The following C1orf74 variants were observed in gnomAD, a reference collection of about 807,000 sequenced individuals.
The protein encoded by C1orf74 is UPF0739 protein C1orf74.
A neutral mutation model predicts 7.3 loss-of-function variants in C1orf74; 5 were observed. That is an observed-to-expected ratio of 0.68 (90% CI 0.36 to 1.44). The LOEUF (loss-of-function observed/expected upper bound fraction) is 1.44, where lower values mean the gene tolerates loss of function less well. Among genes scored for constraint, C1orf74 ranks in the 40% most tolerant of loss-of-function variants. The probability of loss-of-function intolerance (pLI) is 0.04; values close to 1 mark genes in which losing one functional copy is unlikely to be tolerated. For missense variants in C1orf74, 291 were observed against 314.3 expected (o/e 0.93, Z 0.56); for synonymous variants, 121 against 132.5 (o/e 0.91, Z 0.59).
In C1orf74 at chr1:209,780,559, G is replaced by A. The variant is rs764468530; in HGVS notation, c.*2266C>T. The A allele has an allele frequency of 6.2e-7, 1 of 1,601,096 alleles. No individual in the cohort carries two copies. The highest frequency in any genetic ancestry group is 8.5e-7 in the Non-Finnish European group (1 of 1,173,206). On this transcript the variant is annotated 3_prime_UTR_variant, in exon 2 of 2. Transcript: ENST00000294811. ...GAAGGAGAAAGACTGGGATCTCAGA[G>A]ACCAGCTGCAAAAGAAGACTTTGCA...
At position 209,779,723 on chromosome 1, in the gene C1orf74, T is replaced by G; in HGVS notation, c.*3102A>C. ...TCCAACTCCCCAGCCCCAAACCACA[T>G]AGCAGTCCAGAGTCAACTCACTGTT... On this transcript the variant is annotated 3_prime_UTR_variant, in exon 2 of 2. Coordinates refer to ENST00000294811, the MANE Select transcript of C1orf74 (RefSeq NM_152485.4). 3.5e-6 allele frequency: 2 copies of G among 576,956 alleles called. No homozygotes were observed. The highest frequency in any genetic ancestry group is 4.1e-5 in the South Asian group (2 of 48,418). The allele number at this position is 576,956 out of a possible 1,614,324, so 35.7% of individuals were successfully genotyped here.
Position 209,781,820 on chromosome 1 carries a change from A to G in C1orf74, c.*1005T>C, listed in dbSNP as rs1162483137. Reference sequence around the variant, plus strand: ...GGTTATTTTCCACCCTTCATTATTCATATCAGTATTTATATATCTGGTCCC... The same window carrying G: ...GGTTATTTTCCACCCTTCATTATTCGTATCAGTATTTATATATCTGGTCCC... On this transcript the variant is annotated 3_prime_UTR_variant, in exon 2 of 2. Transcript: ENST00000294811. 3.7e-6 allele frequency: 2 copies of G among 545,452 alleles called. No individual in the cohort carries two copies. Among genetic ancestry groups the G allele is most frequent in the East Asian group, 6.1e-5 (2 of 32,802 alleles). 33.8% of individuals were successfully genotyped at this position (545,452 alleles called of 1,614,324 possible).
intron 1 of C1orf74, among the ~76,000 whole-genome samples, chr1:209,784,118 A>G (rs888195652): frequency 3.3e-5 from 5 of 152,172 alleles, no homozygotes; most frequent in Non-Finnish European, 5.9e-5. Flanking sequence ...TTCCCGCCAG[A>G]GAATAGTTAT....
chr1:209,780,474 G>A lies in C1orf74; in HGVS notation c.*2351C>T. 1 of 1,580,188 alleles carries A rather than the reference G, an allele frequency of 6.3e-7. No homozygotes were observed. The highest frequency in any genetic ancestry group is 8.6e-7 in the Non-Finnish European group (1 of 1,161,146). Reference sequence around the variant, plus strand: ...AGAATCTGGCTGCTTTTTTAGATCAGGCTTTGCCCGTGTGGAGTCCAAAGT... The same window carrying A: ...AGAATCTGGCTGCTTTTTTAGATCAAGCTTTGCCCGTGTGGAGTCCAAAGT... On this transcript the variant is annotated 3_prime_UTR_variant, in exon 2 of 2. Coordinates refer to ENST00000294811, the MANE Select transcript of C1orf74 (RefSeq NM_152485.4).
At position 209,779,259 on chromosome 1, in the gene C1orf74, A is replaced by G; in HGVS notation, c.*3566T>C. On this transcript the variant is annotated 3_prime_UTR_variant, in exon 2 of 2. Transcript: ENST00000294811. Reference sequence around the variant, plus strand: ...AGGTTCTAAGCAAAGTTCTGAAAAGAAAACTTTTTGTAGTAAATATGCTAG... The same window carrying G: ...AGGTTCTAAGCAAAGTTCTGAAAAGGAAACTTTTTGTAGTAAATATGCTAG... 6.6e-7 allele frequency: 1 copy of G among 1,513,122 alleles called. No homozygotes were observed. Among genetic ancestry groups the G allele is most frequent in the East Asian group, 2.3e-5 (1 of 44,320 alleles). The allele number at this position is 1,513,122 out of a possible 1,614,324, so 93.7% of individuals were successfully genotyped here.
At position 209,779,636 on chromosome 1, in the gene C1orf74, T is replaced by G; in HGVS notation, c.*3189A>C. 1 of 608,992 alleles carries G rather than the reference T, an allele frequency of 1.6e-6. No homozygotes were observed. Among genetic ancestry groups the G allele is most frequent in the Non-Finnish European group, 2.9e-6 (1 of 341,578 alleles). The allele number at this position is 608,992 out of a possible 1,614,324, so 37.7% of individuals were successfully genotyped here. A position where few individuals can be genotyped will look rare whatever the true frequency, so the allele number is the denominator to read the frequency against. On this transcript the variant is annotated 3_prime_UTR_variant, in exon 2 of 2. Transcript: ENST00000294811. ...CACATGTCTGTGTTGAACATTTCAA[T>G]AAATTTATTTTGAACTCAGGATTTC...
In C1orf74 at chr1:209,782,953, A is replaced by G. The variant is rs1175334043; in HGVS notation, c.682T>C (p.Phe228Leu). ...TTTAGAATGTCCCTCAGGCCTGGGAACAAACTCTCTGGGACACTAAAAGAA... is the reference window on the plus strand; with the variant it reads ...TTTAGAATGTCCCTCAGGCCTGGGAGCAAACTCTCTGGGACACTAAAAGAA... The part of the protein sequence containing the change: ...LYSFSVPESL[F>L]PGLRDILNTW... The change falls in exon 2 of 2, where the codon TTC (phenylalanine) becomes CTC (leucine). Residue 228 changes from phenylalanine to leucine, a missense_variant. By Grantham distance (22) the Phe-to-Leu change is conservative. Coordinates refer to ENST00000294811, the MANE Select transcript of C1orf74 (RefSeq NM_152485.4). 1 of 1,614,196 alleles carries G rather than the reference A, an allele frequency of 6.2e-7. No individual in the cohort carries two copies. The highest frequency in any genetic ancestry group is 1.1e-5 in the South Asian group (1 of 91,092).
In C1orf74 at chr1:209,782,492, G is replaced by A; in HGVS notation, c.*333C>T. The A allele has an allele frequency of 2.1e-6, 1 of 470,436 alleles. No individual in the cohort carries two copies. The highest frequency in any genetic ancestry group is 2.4e-5 in the South Asian group (1 of 41,914). The allele number at this position is 470,436 out of a possible 1,614,324, so 29.1% of individuals were successfully genotyped here. A position where few individuals can be genotyped will look rare whatever the true frequency, so the allele number is the denominator to read the frequency against. On this transcript the variant is annotated 3_prime_UTR_variant, in exon 2 of 2. Coordinates refer to ENST00000294811, the MANE Select transcript of C1orf74 (RefSeq NM_152485.4). ...CCACATAGAGCAGGTATATTTACAA[G>A]GTTACCATGCAAGAGTGTTTGGCTT...
Position 209,783,099 on chromosome 1 carries a change from T to C in C1orf74, c.536A>G (p.Tyr179Cys), listed in dbSNP as rs1386974546. ...LCTVFGILLGYPVPYTFHLNQ... is the reference protein window; with the variant it reads ...LCTVFGILLGCPVPYTFHLNQ... ...CAGGTGAAAGGTATAGGGAACAGGA[T>C]AGCCCAGGAGGATCCCAAATACAGT... The change falls in exon 2 of 2, where the codon TAT (tyrosine) becomes TGT (cysteine). Residue 179 changes from tyrosine (Y) to cysteine (C), a missense_variant. By Grantham distance (194) the Tyr-to-Cys change is radical. Coordinates refer to ENST00000294811, the MANE Select transcript of C1orf74 (RefSeq NM_152485.4). 2 of 1,614,174 alleles carry C rather than the reference T, an allele frequency of 1.2e-6. No homozygotes were observed. Among genetic ancestry groups the C allele is most frequent in the Non-Finnish European group, 1.7e-6 (2 of 1,180,038 alleles).
Position 209,781,379 on chromosome 1 carries a change from G to A in C1orf74, c.*1446C>T. On this transcript the variant is annotated 3_prime_UTR_variant, in exon 2 of 2. Coordinates refer to ENST00000294811, the MANE Select transcript of C1orf74 (RefSeq NM_152485.4). ...CTGCATTCAGAATTAGACAACCTCAGTGACGAGTATCTCTCCTGCCTGCGT... is the reference window on the plus strand; with the variant it reads ...CTGCATTCAGAATTAGACAACCTCAATGACGAGTATCTCTCCTGCCTGCGT... 6.2e-7 allele frequency: 1 copy of A among 1,613,564 alleles called. No individual in the cohort carries two copies. Among genetic ancestry groups the A allele is most frequent in the Non-Finnish European group, 8.5e-7 (1 of 1,179,622 alleles).
chr1:209,780,585 G>A lies in C1orf74; in HGVS notation c.*2240C>T. The A allele has an allele frequency of 1.3e-6, 2 of 1,592,860 alleles. No individual in the cohort carries two copies. The highest frequency in any genetic ancestry group is 8.6e-7 in the Non-Finnish European group (1 of 1,167,820). ...ACCAGCTGCAAAAGAAGACTTTGCA[G>A]CTCCAGGCCAAGGAAAAGGAGGTGA... is the stretch of plus-strand genomic sequence containing the variant. On this transcript the variant is annotated 3_prime_UTR_variant, in exon 2 of 2. Coordinates refer to ENST00000294811, the MANE Select transcript of C1orf74 (RefSeq NM_152485.4).
Position 209,779,532 on chromosome 1 carries a change from T to G in C1orf74, c.*3293A>C, listed in dbSNP as rs578010330. ...AGCTTTTTAAGGACTGATCATTGGC[T>G]CTGAGGACACTTCAACTAGTTAGCC... On this transcript the variant is annotated 3_prime_UTR_variant, in exon 2 of 2. Coordinates refer to ENST00000294811, the MANE Select transcript of C1orf74 (RefSeq NM_152485.4). The G allele has an allele frequency of 5.5e-6, 4 of 725,820 alleles. No individual in the cohort carries two copies. The East Asian group carries it at 1.1e-4, about 19-fold the overall frequency. 45.0% of individuals were successfully genotyped at this position (725,820 alleles called of 1,614,324 possible).
At position 209,781,280 on chromosome 1, in the gene C1orf74, C is replaced by A; in HGVS notation, c.*1545G>T. The A allele has an allele frequency of 9.1e-7, 1 of 1,095,934 alleles. No individual in the cohort carries two copies. The highest frequency in any genetic ancestry group is 1.4e-6 in the Non-Finnish European group (1 of 726,292). 67.9% of individuals were successfully genotyped at this position (1,095,934 alleles called of 1,614,324 possible). A position where few individuals can be genotyped will look rare whatever the true frequency, so the allele number is the denominator to read the frequency against. ...ATGAGTGAAACTTACAAAGGGCAGT[C>A]TCCCCTGCCTGGGCTCTGTCCTAGA... On this transcript the variant is annotated 3_prime_UTR_variant, in exon 2 of 2. Coordinates refer to ENST00000294811, the MANE Select transcript of C1orf74 (RefSeq NM_152485.4).
Position 209,779,744 on chromosome 1 carries a change from C to CTGTT in C1orf74, c.*3077_*3080dup. 1.8e-6 allele frequency: 1 copy of CTGTT among 556,830 alleles called. No individual in the cohort carries two copies. The highest frequency in any genetic ancestry group is 2.1e-5 in the South Asian group (1 of 47,012). 34.5% of individuals were successfully genotyped at this position (556,830 alleles called of 1,614,324 possible). ...CACATAGCAGTCCAGAGTCAACTCA[C>CTGTT]TGTTAGCCCTAGAGAGTCTACTGTC... On this transcript the variant is annotated 3_prime_UTR_variant, in exon 2 of 2. Coordinates refer to ENST00000294811, the MANE Select transcript of C1orf74 (RefSeq NM_152485.4).
chr1:209,781,324 C>T lies in C1orf74; in HGVS notation c.*1501G>A, dbSNP rs1351087280. ...TCCTAGACAGAAGTGACAGTGATGA[C>T]TTTGGTGATGTTCTCCCCAGTGCAG... On this transcript the variant is annotated 3_prime_UTR_variant, in exon 2 of 2. Transcript: ENST00000294811. 1.3e-6 allele frequency: 2 copies of T among 1,551,038 alleles called. No homozygotes were observed. The highest frequency in any genetic ancestry group is 1.4e-5 in the African/African-American group (1 of 73,590).
In C1orf74 at chr1:209,779,871, T is replaced by C. The variant is rs1259974831; in HGVS notation, c.*2954A>G. ...TTCTCTTCACAATCATTGGGCATAATATAATAGATAAGGCAGAAATTTTTA... is the reference window on the plus strand; with the variant it reads ...TTCTCTTCACAATCATTGGGCATAACATAATAGATAAGGCAGAAATTTTTA... On this transcript the variant is annotated 3_prime_UTR_variant, in exon 2 of 2. Transcript: ENST00000294811. 4.7e-6 allele frequency: 1 copy of C among 210,666 alleles called. No homozygotes were observed. Among genetic ancestry groups the C allele is most frequent in the African/African-American group, 2.3e-5 (1 of 43,084 alleles). 13.0% of individuals were successfully genotyped at this position (210,666 alleles called of 1,614,324 possible). A position where few individuals can be genotyped will look rare whatever the true frequency, so the allele number is the denominator to read the frequency against.
Position 209,780,303 on chromosome 1 carries a change from G to C in C1orf74, c.*2522C>G, listed in dbSNP as rs976036853. On this transcript the variant is annotated 3_prime_UTR_variant, in exon 2 of 2. Transcript: ENST00000294811. ...TCCAGCTGTCTGTCCAAGCTTAGCAGGGGCCTACTGGAAGTTAACCTTTAT... is the reference window on the plus strand; with the variant it reads ...TCCAGCTGTCTGTCCAAGCTTAGCACGGGCCTACTGGAAGTTAACCTTTAT... 7.6e-5 allele frequency: 39 copies of C among 514,648 alleles called. No individual in the cohort carries two copies. The highest frequency in any genetic ancestry group is 1.0e-4 in the Non-Finnish European group (32 of 311,716). 31.9% of individuals were successfully genotyped at this position (514,648 alleles called of 1,614,324 possible). A position where few individuals can be genotyped will look rare whatever the true frequency, so the allele number is the denominator to read the frequency against.
rs550828555 is a variant in C1orf74 at position 209,780,475 on chromosome 1, G to A, written c.*2350C>T. The A allele has an allele frequency of 1.3e-5, 20 of 1,580,914 alleles. No individual in the cohort carries two copies. In the South Asian group the frequency reaches 1.8e-4, roughly 14 times the overall value. On this transcript the variant is annotated 3_prime_UTR_variant, in exon 2 of 2. Coordinates refer to ENST00000294811, the MANE Select transcript of C1orf74 (RefSeq NM_152485.4). ...GAATCTGGCTGCTTTTTTAGATCAGGCTTTGCCCGTGTGGAGTCCAAAGTC... is the reference window on the plus strand; with the variant it reads ...GAATCTGGCTGCTTTTTTAGATCAGACTTTGCCCGTGTGGAGTCCAAAGTC...
Position 209,782,810 on chromosome 1 carries a change from G to A in C1orf74, c.*15C>T, listed in dbSNP as rs1184400461. The A allele has an allele frequency of 2.5e-6, 4 of 1,610,180 alleles. No homozygotes were observed. The highest frequency in any genetic ancestry group is 2.2e-5 in the East Asian group (1 of 44,856). On this transcript the variant is annotated 3_prime_UTR_variant, in exon 2 of 2. Coordinates refer to ENST00000294811, the MANE Select transcript of C1orf74 (RefSeq NM_152485.4). ...TCATTTACTGAGTACCTTCTATATG[G>A]GAGGAGAGTTAAAGTCAGAGGGCCA...
Sources: allele counts gnomAD v4.1 joint callset (sites outside exome capture counted in the v4.1 genomes callset), GRCh38; gene constraint gnomAD v4.1.1; transcripts MANE v1.5; gene names NCBI Gene and HGNC (gene_info 2026-07-23, HGNC 2026-07-21).